Variants in NPFFR2 observed in about 807,000 individuals in gnomAD.
NPFFR2 encodes the protein neuropeptide FF receptor 2.
In NPFFR2, 15 loss-of-function variants were observed where a neutral mutation model predicts 13.1. The ratio of observed to expected loss-of-function variants is 1.15; its 90% CI spans 0.77 to 1.76. The LOEUF (loss-of-function observed/expected upper bound fraction) is 1.76, where lower values mean the gene tolerates loss of function less well. Ranked by LOEUF, NPFFR2 falls within the 40% of genes most tolerant of loss-of-function variation. The pLI, the probability that NPFFR2 is intolerant of heterozygous loss-of-function variation, is 0.00. For synonymous variants in NPFFR2, 190 were observed against 175.7 expected, an observed-to-expected ratio of 1.08 and a Z score of -0.65; for missense variants, 572 against 503.5, an observed-to-expected ratio of 1.14 and a Z score of -1.30.
chr4:72,077,868 T>A (rs1350047042), intron 1 of NPFFR2, among the ~76,000 whole-genome samples: 1 of 152,118 alleles, frequency 6.6e-6, no homozygotes, highest in Non-Finnish European at 1.5e-5. Flanking sequence ...TAGATTTGCC[T>A]CAACAAATTT....
At chr4:72,119,479 G>A (rs1446925315) in intron 1 of NPFFR2, among the ~76,000 whole-genome samples, 2 of 152,118 alleles carry the variant, frequency 1.3e-5, no homozygotes, top group African/African-American at 2.4e-5. Context: ...AAATCTAAAT[G>A]TAGCTGGCAA....
In NPFFR2 at chr4:72,128,807, G is replaced by A. The variant is rs766483841; in HGVS notation, c.216G>A (p.Arg72=). Residue 72 remains arginine (R), a synonymous_variant, in exon 2 of 4, where the codon AGG becomes AGA. Transcript: ENST00000308744. ...GNTVVCFIVM[R]NKHMHTVTNL... is the part of the protein sequence containing the mutation. ...CTGTGGTTTGCTTTATTGTAATGAG[G>A]AACAAACATATGCACACAGTCACTA... 9 of 1,613,954 alleles carry A rather than the reference G, an allele frequency of 5.6e-6. No individual in the cohort carries two copies. In the Admixed American group the frequency reaches 1.0e-4, roughly 18 times the overall value.
intron 1 of NPFFR2, among the ~76,000 whole-genome samples, chr4:72,091,322 G>C (rs1445154154): frequency 6.6e-6 from 1 of 152,036 alleles, no homozygotes; most frequent in African/African-American, 2.4e-5. Context: ...CCTGGTTTTG[G>C]TATTAGGGTG....
chr4:72,032,129 G>A lies in NPFFR2; in HGVS notation c.-79G>A. On this transcript the variant is annotated 5_prime_UTR_variant, in exon 1 of 4. Coordinates refer to ENST00000308744, the MANE Select transcript of NPFFR2 (RefSeq NM_004885.3). The stretch of plus-strand genomic sequence containing the variant: ...CGAAAAGTAGCTGGAGCCGGAGCAG[G>A]GACAGAACCTGTTGCTGCAGACGGG... The A allele has an allele frequency of 6.2e-7, 1 of 1,614,102 alleles. No individual in the cohort carries two copies. The highest frequency in any genetic ancestry group is 1.1e-5 in the South Asian group (1 of 91,062).
intron 1 of NPFFR2, among the ~76,000 whole-genome samples, chr4:72,034,486 C>T (rs985930954): frequency 2.0e-5 from 3 of 152,160 alleles, no homozygotes; most frequent in African/African-American, 7.2e-5. Flanking sequence ...TAGCTGTCCT[C>T]ATGATTCAAT....
At chr4:72,095,546 T>C (rs1040702823) in intron 1 of NPFFR2, among the ~76,000 whole-genome samples, 3 of 152,214 alleles carry the variant, frequency 2.0e-5, no homozygotes, top group East Asian at 3.8e-4. Context: ...TGGTCTACAT[T>C]ATAATATTTA....
intron 1 of NPFFR2, among the ~76,000 whole-genome samples, chr4:72,068,461 A>G (rs185346330): frequency 3.8e-4 from 58 of 152,314 alleles, no homozygotes; most frequent in Non-Finnish European, 6.3e-4. Context: ...AGGCCCTACA[A>G]TAGTACTTAA....
intron 1 of NPFFR2, among the ~76,000 whole-genome samples, chr4:72,042,381 A>G (rs1719245844): frequency 6.6e-6 from 1 of 152,198 alleles, no homozygotes; most frequent in African/African-American, 2.4e-5. Context: ...ATGGACTAGT[A>G]GAGTATATTA....
rs747046118 is a variant in NPFFR2, at chr4:72,147,578, T to C, written c.1029T>C (p.Gly343=). ...TCTTCAACGAGAATTTCCGCCGTGG[T>C]TTCCAAGAAGCTTTCCAGCTCCAGC... ...YGFFNENFRR[G]FQEAFQLQLC... Residue 343 remains glycine (G), a synonymous_variant, in exon 4 of 4, where the codon GGT becomes GGC. Coordinates refer to ENST00000308744, the MANE Select transcript of NPFFR2 (RefSeq NM_004885.3). 6.2e-7 allele frequency: 1 copy of C among 1,614,202 alleles called. No homozygotes were observed.
In NPFFR2 at chr4:72,059,576, GC is replaced by G. The variant is rs1431005381; in HGVS notation, c.-8+27380del. ...TGATGATGGCACTAATCTCTGTAAT[GC>G]CCCAGTGATATAGTAATTGCTTTTG... On this transcript the variant is annotated intron_variant, in intron 1 of 3. Coordinates refer to ENST00000308744, the MANE Select transcript of NPFFR2 (RefSeq NM_004885.3). 5.9e-5 allele frequency among the ~76,000 whole-genome samples: 9 copies of G among 152,050 alleles called. No homozygotes were observed. The East Asian group carries it at 1.7e-3, about 29-fold the overall frequency.
chr4:72,123,500 A>C (rs1457325751), intron 1 of NPFFR2, among the ~76,000 whole-genome samples: 2 of 152,244 alleles, frequency 1.3e-5, no homozygotes, highest in African/African-American at 4.8e-5. Context: ...ATGAACATTG[A>C]TGCAAAAATC....
intron 1 of NPFFR2, among the ~76,000 whole-genome samples, chr4:72,060,156 C>T (rs191078552): frequency 5.7e-4 from 86 of 152,108 alleles, no homozygotes; most frequent in African/African-American, 2.0e-3. Context: ...AATCTTTATT[C>T]CTAAAGTATA....
intron 1 of NPFFR2, among the ~76,000 whole-genome samples, chr4:72,033,346 G>A (rs189810722): frequency 1.7e-4 from 26 of 152,148 alleles, no homozygotes; most frequent in African/African-American, 6.3e-4. Context: ...TCTATAGATC[G>A]ATCATTTAAT....
chr4:72,094,306 G>A (rs113535742), intron 1 of NPFFR2, among the ~76,000 whole-genome samples: 51 of 152,308 alleles, frequency 3.3e-4, no homozygotes, highest in African/African-American at 1.1e-3. Context: ...TTTTGTGTTC[G>A]TTGGCCTCAA....
At chr4:72,145,604 G>A (rs972026115) in intron 3 of NPFFR2, among the ~76,000 whole-genome samples, 2 of 152,126 alleles carry the variant, frequency 1.3e-5, no homozygotes, top group Non-Finnish European at 2.9e-5. Flanking sequence ...TTAGAAGACT[G>A]GAAGAACGCT....
At chr4:72,088,552 T>G (rs571854940) in intron 1 of NPFFR2, among the ~76,000 whole-genome samples, 1 of 152,236 alleles carries the variant, frequency 6.6e-6, no homozygotes, top group South Asian at 2.1e-4. Flanking sequence ...TGTATTTCTT[T>G]TATTTTTTAA....
intron 1 of NPFFR2, among the ~76,000 whole-genome samples, chr4:72,032,505 T>C (rs115857616): frequency 0.014 from 2,170 of 152,280 alleles, 23 homozygotes; most frequent in Non-Finnish European, 0.024. Context: ...CGGGGCTGTA[T>C]TGTGTTGTAA....
chr4:72,054,184 A>G (rs1222473726), intron 1 of NPFFR2, among the ~76,000 whole-genome samples: 1 of 151,888 alleles, frequency 6.6e-6, no homozygotes, highest in Admixed American at 6.6e-5. Flanking sequence ...TAGAAGAAAC[A>G]ACAATTTTTT....
intron 1 of NPFFR2, among the ~76,000 whole-genome samples, chr4:72,049,536 TTTAG>T (rs1267338013): frequency 6.6e-6 from 1 of 152,110 alleles, no homozygotes; most frequent in East Asian, 1.9e-4. Flanking sequence ...CTGTTTGATG[TTTAG>T]ACAGCTGGAA....
Sources: allele counts gnomAD v4.1 joint callset (sites outside exome capture counted in the v4.1 genomes callset), GRCh38; gene constraint gnomAD v4.1.1; transcripts MANE v1.5; gene names NCBI Gene and HGNC (gene_info 2026-07-23, HGNC 2026-07-21).